Variants in COLGALT2 observed in about 807,000 individuals in gnomAD.
COLGALT2 encodes procollagen galactosyltransferase 2.
In COLGALT2, 49 loss-of-function variants were observed where a neutral mutation model predicts 73.4. The observed-to-expected ratio is 0.67, with a 90% CI of 0.53 to 0.85. COLGALT2 has a LOEUF of 0.85. COLGALT2 is among the 40% of genes least tolerant of loss of function. The pLI is 0.00. For synonymous variants in COLGALT2, 295 were observed against 307.6 expected, an observed-to-expected ratio of 0.96 and a Z score of 0.43; for missense variants, 722 against 790.2, an observed-to-expected ratio of 0.91 and a Z score of 1.03.
intron 8 of COLGALT2, among the ~76,000 whole-genome samples, chr1:183,949,086 T>A (rs1253097874): frequency 1.3e-5 from 2 of 151,964 alleles, no homozygotes; most frequent in Non-Finnish European, 2.9e-5. Flanking sequence ...CTAAAGAAGA[T>A]CTAAATAATA....
chr1:184,012,489 A>G lies in COLGALT2; in HGVS notation c.263+24606T>C, dbSNP rs550360275. 3.9e-5 allele frequency among the ~76,000 whole-genome samples: 6 copies of G among 152,354 alleles called. No homozygotes were observed. In the South Asian group the frequency reaches 1.2e-3, roughly 32 times the overall value. ...AAAAAAGATTGAATCTATTTTCATAATAAGTATGGATGACTCTTGGAAACA... is the reference window on the plus strand; with the variant it reads ...AAAAAAGATTGAATCTATTTTCATAGTAAGTATGGATGACTCTTGGAAACA... On this transcript the variant is annotated intron_variant, in intron 1 of 11. Transcript: ENST00000361927.
intron 1 of COLGALT2, among the ~76,000 whole-genome samples, chr1:184,034,008 T>A (rs139677634): frequency 6.6e-6 from 1 of 152,232 alleles, no homozygotes; most frequent in African/African-American, 2.4e-5. Context: ...CATCTTGGAA[T>A]GTTGCATAGA....
intron 6 of COLGALT2, among the ~76,000 whole-genome samples, chr1:183,955,758 G>C (rs1469959749): frequency 2.6e-5 from 4 of 152,196 alleles, no homozygotes; most frequent in African/African-American, 9.6e-5. Flanking sequence ...ATAATACAAA[G>C]AAAATTTAAA....
intron 11 of COLGALT2, chr1:183,930,431 T>A (rs1669817819): frequency 2.6e-6 from 1 of 379,030 alleles, no homozygotes; most frequent in Non-Finnish European, 5.2e-6. Context: ...TCTCACTCTG[T>A]CACCCAGGCT....
intron 1 of COLGALT2, 40 bp downstream of exon 1, chr1:184,037,055 C>G: frequency 7.0e-7 from 1 of 1,418,458 alleles, no homozygotes; most frequent in Non-Finnish European, 9.2e-7. Flanking sequence ...AGGCCGCCCC[C>G]GCGTCCCGCC....
chr1:183,939,063 CAT>C, intron 11 of COLGALT2, 26 bp from the exon 12 acceptor site: 1 of 1,581,354 alleles, frequency 6.3e-7, no homozygotes. Context: ...TGGCCGGACA[CAT>C]GAGGGGGCGG....
chr1:183,968,012 G>A (rs1438637823), intron 5 of COLGALT2, among the ~76,000 whole-genome samples: 1 of 152,186 alleles, frequency 6.6e-6, no homozygotes, highest in Non-Finnish European at 1.5e-5. Context: ...TACAACTGAT[G>A]AGTGGGACAT....
rs753384615 is a variant in COLGALT2, at chr1:183,969,327, C to T, written c.774G>A (p.Gln258=). 3.1e-6 allele frequency: 5 copies of T among 1,613,802 alleles called. No homozygotes were observed. The Admixed American group carries it at 8.3e-5, about 27-fold the overall frequency. Residue 258 remains glutamine (Q), a synonymous_variant, in exon 5 of 12, where the codon CAG becomes CAA. Coordinates refer to ENST00000361927, the MANE Select transcript of COLGALT2 (RefSeq NM_015101.4). ...TGTCATCAAAGGTCCAGGTGTAGTC[C>T]TGGTGTGGGGGGTAGAAAGTCAGCT... ...SDKLTFYPPH[Q]DYTWTFDDII... is the part of the protein sequence containing the mutation.
chr1:184,026,603 T>C (rs1478111767), intron 1 of COLGALT2, among the ~76,000 whole-genome samples: 1 of 152,210 alleles, frequency 6.6e-6, no homozygotes, highest in Admixed American at 6.5e-5. Context: ...TTTGAGTTCA[T>C]AGCTAGTGAA....
intron 1 of COLGALT2, among the ~76,000 whole-genome samples, chr1:184,036,070 G>A (rs1649663882): frequency 6.6e-6 from 1 of 152,164 alleles, no homozygotes; most frequent in Non-Finnish European, 1.5e-5. Context: ...ACACAAGACA[G>A]AAATTGCTCC....
chr1:183,939,159 C>A (rs1333608510), intron 11 of COLGALT2, 122 bp from the exon 12 acceptor site: 2 of 688,740 alleles, frequency 2.9e-6, no homozygotes, highest in Non-Finnish European at 4.9e-6. Context: ...TCAATTGTGT[C>A]ATTTGTGAAA....
At position 184,006,708 on chromosome 1, in the gene COLGALT2, T is replaced by C. The variant is rs375668116; in HGVS notation, c.264-28188A>G. ...TACCCTTCAGAAAAGTAATAACTTA[T>C]AGTACTAGGAATACCCAGGCCTGAT... On this transcript the variant is annotated intron_variant, in intron 1 of 11. Transcript: ENST00000361927. Among the ~76,000 whole-genome samples, 8 of 152,320 alleles carry C rather than the reference T, an allele frequency of 5.3e-5. No individual in the cohort carries two copies. In the East Asian group the frequency reaches 1.5e-3, roughly 29 times the overall value.
rs1671267732 is a variant in COLGALT2, at chr1:183,978,539, A to AT, written c.264-20_264-19insA. 2.1e-6 allele frequency: 3 copies of AT among 1,417,462 alleles called. No individual in the cohort carries two copies. Among genetic ancestry groups the AT allele is most frequent in the Non-Finnish European group, 3.0e-6 (3 of 1,005,840 alleles). 87.8% of individuals were successfully genotyped at this position (1,417,462 alleles called of 1,614,324 possible). On this transcript the variant is annotated intron_variant, in intron 1 of 11. Coordinates refer to ENST00000361927, the MANE Select transcript of COLGALT2 (RefSeq NM_015101.4). ...GGCTGCCCTGCATGAGAGAAAGCAC[A>AT]ATATAGTTTAACTATGTCATCCAAT...
intron 1 of COLGALT2, among the ~76,000 whole-genome samples, chr1:184,033,360 C>A (rs1263298017): frequency 6.6e-6 from 1 of 152,176 alleles, no homozygotes; most frequent in Non-Finnish European, 1.5e-5. Context: ...TGTCACAATG[C>A]CTCACAGTTC....
intron 1 of COLGALT2, among the ~76,000 whole-genome samples, chr1:184,019,768 A>G (rs1455449606): frequency 1.3e-5 from 2 of 152,206 alleles, no homozygotes; most frequent in Non-Finnish European, 2.9e-5. Context: ...AAGGAAACAG[A>G]AACATCAAAA....
chr1:183,944,341 A>G lies in COLGALT2; in HGVS notation c.1270-18T>C. 2 of 1,604,538 alleles carry G rather than the reference A, an allele frequency of 1.2e-6. No individual in the cohort carries two copies. Among genetic ancestry groups the G allele is most frequent in the Non-Finnish European group, 8.5e-7 (1 of 1,177,320 alleles). ...TCAATTACCTGCAAAAGTCATCAGT[A>G]GGAAGATACCCTATGAAAAGTTTGA... On this transcript the variant is annotated intron_variant, in intron 9 of 11. Coordinates refer to ENST00000361927, the MANE Select transcript of COLGALT2 (RefSeq NM_015101.4).
chr1:183,937,031 T>G lies in COLGALT2; in HGVS notation c.*1730A>C. 1 of 1,231,742 alleles carries G rather than the reference T, an allele frequency of 8.1e-7. No homozygotes were observed. The highest frequency in any genetic ancestry group is 1.0e-6 in the Non-Finnish European group (1 of 987,976). 76.3% of individuals were successfully genotyped at this position (1,231,742 alleles called of 1,614,324 possible). A position where few individuals can be genotyped will look rare whatever the true frequency, so the allele number is the denominator to read the frequency against. ...TTCTCTAGACTCTGAGCCATGCTGTTCAACCTTAATGTGGCAATCAGTATC... is the reference window on the plus strand; with the variant it reads ...TTCTCTAGACTCTGAGCCATGCTGTGCAACCTTAATGTGGCAATCAGTATC... On this transcript the variant is annotated 3_prime_UTR_variant, in exon 12 of 12. Coordinates refer to ENST00000361927, the MANE Select transcript of COLGALT2 (RefSeq NM_015101.4).
chr1:183,961,983 G>T (rs909538455), intron 6 of COLGALT2, among the ~76,000 whole-genome samples: 5 of 151,954 alleles, frequency 3.3e-5, no homozygotes, highest in African/African-American at 1.2e-4. Flanking sequence ...ACAAATATTT[G>T]CTGGGCATCT....
At chr1:183,975,067 G>T in intron 3 of COLGALT2, 30 bp downstream of exon 3, 1 of 1,488,420 alleles carries the variant, frequency 6.7e-7, no homozygotes, top group Non-Finnish European at 9.4e-7. Context: ...TGAGATGACA[G>T]TTGTCAAGAA....
Sources: allele counts gnomAD v4.1 joint callset (sites outside exome capture counted in the v4.1 genomes callset), GRCh38; gene constraint gnomAD v4.1.1; transcripts MANE v1.5; gene names NCBI Gene and HGNC (gene_info 2026-07-23, HGNC 2026-07-21).